The following KDM2A variants were observed in gnomAD, a reference collection of about 807,000 sequenced individuals.
KDM2A encodes the protein lysine-specific demethylase 2A.
In KDM2A, 3 loss-of-function variants were observed where a neutral mutation model predicts 137.3. That is an observed-to-expected ratio of 0.02 (90% CI 0.01 to 0.06). KDM2A has a LOEUF of 0.06. Among genes scored for constraint, KDM2A ranks in the 10% least tolerant of loss-of-function variants. The pLI is 1.00. For synonymous variants in KDM2A, 512 were observed against 541.5 expected, an observed-to-expected ratio of 0.95 and a Z score of 0.76; for missense variants, 738 against 1,510.6, an observed-to-expected ratio of 0.49 and a Z score of 8.48.
chr11:67,179,430 C>T (rs180864972), intron 2 of KDM2A, among the ~76,000 whole-genome samples: 33 of 152,234 alleles, frequency 2.2e-4, no homozygotes, highest in African/African-American at 7.2e-4. Context: ...TGTGCCACTA[C>T]GCCCAGCTTA....
chr11:67,255,381 G>T lies in KDM2A; in HGVS notation c.*326G>T. ...TGGGGTGTTTGTGCAACCTTCATCTGCACTGGGCCCTGTGCCCCTCCTCCC... is the reference window on the plus strand; with the variant it reads ...TGGGGTGTTTGTGCAACCTTCATCTTCACTGGGCCCTGTGCCCCTCCTCCC... On this transcript the variant is annotated 3_prime_UTR_variant, in exon 21 of 21. Coordinates refer to ENST00000529006, the MANE Select transcript of KDM2A (RefSeq NM_012308.3). 1 of 473,736 alleles carries T rather than the reference G, an allele frequency of 2.1e-6. No individual in the cohort carries two copies. Among genetic ancestry groups the T allele is most frequent in the South Asian group, 1.6e-5 (1 of 61,358 alleles). The allele number at this position is 473,736 out of a possible 1,614,324, so 29.3% of individuals were successfully genotyped here.
chr11:67,223,388 C>CTTATTTAT (rs10542275), intron 10 of KDM2A, among the ~76,000 whole-genome samples: 47 of 149,274 alleles, frequency 3.1e-4, no homozygotes, highest in East Asian at 1.6e-3. Flanking sequence ...TTTTTTCTTT[C>CTTATTTAT]TTATTTATTT....
chr11:67,139,502 C>A (rs758016927), intron 2 of KDM2A, among the ~76,000 whole-genome samples: 1 of 152,118 alleles, frequency 6.6e-6, no homozygotes, highest in Non-Finnish European at 1.5e-5. Context: ...ACCTCGGCCC[C>A]CCAAAGTGCT....
intron 2 of KDM2A, among the ~76,000 whole-genome samples, chr11:67,142,559 G>A (rs1339115569): frequency 1.4e-5 from 2 of 140,160 alleles, no homozygotes; most frequent in Non-Finnish European, 3.2e-5. Context: ...GTTGGCCGGG[G>A]GGTTGGGGTT....
chr11:67,184,036 T>C (rs1237300611), intron 5 of KDM2A, among the ~76,000 whole-genome samples: 1 of 144,534 alleles, frequency 6.9e-6, no homozygotes, highest in Admixed American at 7.2e-5. Flanking sequence ...AGGCTGAGAC[T>C]GCAGTGATAT....
intron 10 of KDM2A, among the ~76,000 whole-genome samples, chr11:67,222,679 C>T (rs1332665039): frequency 2.1e-5 from 3 of 139,654 alleles, no homozygotes; most frequent in Non-Finnish European, 4.6e-5. Context: ...AAAACTCTGT[C>T]ATTCTTAGAG....
intron 2 of KDM2A, among the ~76,000 whole-genome samples, chr11:67,170,415 T>C (rs1490875385): frequency 8.0e-5 from 11 of 137,624 alleles, no homozygotes; most frequent in Non-Finnish European, 1.7e-4. Flanking sequence ...TTTCTTTTTT[T>C]TTTTTTTTTT....
chr11:67,206,150 G>C (rs1163939466), intron 5 of KDM2A, among the ~76,000 whole-genome samples: 3 of 152,222 alleles, frequency 2.0e-5, no homozygotes, highest in African/African-American at 7.2e-5. Context: ...TTAGGTCTCA[G>C]GCAGGTGCAG....
intron 2 of KDM2A, among the ~76,000 whole-genome samples, chr11:67,175,673 G>A (rs934490228): frequency 1.3e-5 from 2 of 152,244 alleles, no homozygotes; most frequent in Non-Finnish European, 2.9e-5. Context: ...TATCATATTA[G>A]AAATGTTGGG....
intron 2 of KDM2A, among the ~76,000 whole-genome samples, chr11:67,141,785 G>A (rs1165549588): frequency 1.3e-5 from 2 of 149,572 alleles, no homozygotes; most frequent in African/African-American, 2.5e-5. Flanking sequence ...GTATGTTCAT[G>A]CCCATTAACC....
At chr11:67,185,709 A>C (rs1857186722) in intron 5 of KDM2A, among the ~76,000 whole-genome samples, 1 of 151,926 alleles carries the variant, frequency 6.6e-6, no homozygotes, top group Non-Finnish European at 1.5e-5. Context: ...AGTATTAAGC[A>C]GTGGGATCTT....
intron 12 of KDM2A, among the ~76,000 whole-genome samples, chr11:67,232,980 G>C (rs1858761143): frequency 6.6e-6 from 1 of 152,014 alleles, no homozygotes; most frequent in Non-Finnish European, 1.5e-5. Flanking sequence ...AAAGTGCTGG[G>C]ATTACGGGCA....
intron 2 of KDM2A, among the ~76,000 whole-genome samples, chr11:67,173,634 C>T (rs1855397295): frequency 6.6e-6 from 1 of 152,114 alleles, no homozygotes; most frequent in Admixed American, 6.5e-5. Context: ...AGTCATCTGC[C>T]CGCCCTGGCC....
At chr11:67,178,746 A>G (rs1264081190) in intron 2 of KDM2A, among the ~76,000 whole-genome samples, 1 of 152,104 alleles carries the variant, frequency 6.6e-6, no homozygotes, top group Admixed American at 6.6e-5. Context: ...TGGTTAAATG[A>G]TATCTCATTG....
intron 17 of KDM2A, among the ~76,000 whole-genome samples, chr11:67,251,364 T>C (rs975197915): frequency 6.6e-6 from 1 of 152,216 alleles, no homozygotes; most frequent in Non-Finnish European, 1.5e-5. Context: ...GAGTCCAGTT[T>C]TGAAGCTTCC....
At chr11:67,247,067 ATATATTTTTTTTTTTTTTTTTTTTT>A (rs1212739186) in intron 15 of KDM2A, among the ~76,000 whole-genome samples, 1 of 27,512 alleles carries the variant, frequency 3.6e-5, no homozygotes, top group Non-Finnish European at 6.5e-5. Context: ...ATATATATAT[ATATATTTTTTTTTTTTTTTTTTTTT>A]TTTTTTTTTT....
intron 5 of KDM2A, among the ~76,000 whole-genome samples, chr11:67,193,802 G>C (rs1050992960): frequency 6.6e-6 from 1 of 152,112 alleles, no homozygotes; most frequent in Non-Finnish European, 1.5e-5. Context: ...GGGAGGTTGC[G>C]GTAAGCTGAG....
At chr11:67,232,162 T>C (rs1354668596) in intron 12 of KDM2A, among the ~76,000 whole-genome samples, 1 of 152,220 alleles carries the variant, frequency 6.6e-6, no homozygotes, top group African/African-American at 2.4e-5. Context: ...ATACTAACAT[T>C]TATGTGTTCA....
intron 15 of KDM2A, among the ~76,000 whole-genome samples, chr11:67,247,042 TATA>T (rs1309248812): frequency 1.9e-4 from 4 of 21,172 alleles, no homozygotes; most frequent in African/African-American, 7.2e-4. Context: ...TTATTTTATA[TATA>T]TATATATATA....
Sources: gnomAD v4.1 joint callset for allele counts (sites outside exome capture counted in the v4.1 genomes callset) on GRCh38, gnomAD v4.1.1 for gene constraint, MANE v1.5 for transcripts, NCBI Gene and HGNC (gene_info 2026-07-23, HGNC 2026-07-21) for gene names.